The following ATP10B variants were observed in gnomAD, a reference collection of about 807,000 sequenced individuals.
The protein encoded by ATP10B is phospholipid-transporting ATPase VB.
In ATP10B, 122 loss-of-function variants were observed where a neutral mutation model predicts 141.2. That is an observed-to-expected ratio of 0.86 (90% CI 0.75 to 1.00). The LOEUF (loss-of-function observed/expected upper bound fraction) is 1.00, where lower values mean the gene tolerates loss of function less well. ATP10B is among the 50% of genes least tolerant of loss of function. The probability of loss-of-function intolerance (pLI) is 0.00; values close to 1 mark genes in which losing one functional copy is unlikely to be tolerated. For synonymous variants in ATP10B, 685 were observed against 692.0 expected (o/e 0.99, Z 0.16); for missense variants, 1,876 against 1,825.3 (o/e 1.03, Z -0.51).
chr5:160,613,123 C>G (rs560404932), intron 17 of ATP10B, among the ~76,000 whole-genome samples, 198 bp from the exon 18 acceptor site: 1 of 152,286 alleles, frequency 6.6e-6, no homozygotes, highest in Admixed American at 6.5e-5. Context: ...GAATTTATAA[C>G]TGAGCTATAT....
At position 160,612,861 on chromosome 5, in the gene ATP10B, C is replaced by T. The variant is rs1757796080; in HGVS notation, c.2718G>A (p.Glu906=). 1.2e-6 allele frequency: 2 copies of T among 1,613,972 alleles called. No individual in the cohort carries two copies. Among genetic ancestry groups the T allele is most frequent in the South Asian group, 2.2e-5 (2 of 91,078 alleles). Residue 906 remains glutamate, a synonymous_variant, in exon 18 of 26, where the codon GAG becomes GAA. Transcript: ENST00000327245. ...TCAGGACCCAGAGCTGGATCCCAGC[C>T]TCCCGCAGAGTGGCAATCGTATCTG... ...GVPDTIATLR[E]AGIQLWVLTG... is the part of the protein sequence containing the mutation.
chr5:160,743,235 G>A (rs1767593819), intron 2 of ATP10B, among the ~76,000 whole-genome samples: 1 of 152,120 alleles, frequency 6.6e-6, no homozygotes, highest in Non-Finnish European at 1.5e-5. Flanking sequence ...TATAGGCTGT[G>A]GTCTGATTAT....
At chr5:160,838,678 C>T (rs1775621471) in intron 1 of ATP10B, among the ~76,000 whole-genome samples, 1 of 152,000 alleles carries the variant, frequency 6.6e-6, no homozygotes, top group Non-Finnish European at 1.5e-5. Flanking sequence ...TGCTAGACAC[C>T]AGAGAACGAT....
chr5:160,678,971 C>A (rs1763210241), intron 6 of ATP10B, among the ~76,000 whole-genome samples: 1 of 152,206 alleles, frequency 6.6e-6, no homozygotes, highest in Non-Finnish European at 1.5e-5. Context: ...TATTTTCAAG[C>A]CCTCTTATAT....
At chr5:160,921,251 A>C in the ATP10B span, among the ~76,000 whole-genome samples, 1 of 151,134 alleles carries the variant, frequency 6.6e-6, no homozygotes, top group African/African-American at 2.4e-5. Flanking sequence ...AGCCACAAAT[A>C]GCAGCTTTCT....
intron 1 of ATP10B, among the ~76,000 whole-genome samples, chr5:160,820,346 C>A (rs569336554): frequency 6.6e-6 from 1 of 151,768 alleles, no homozygotes; most frequent in Admixed American, 6.6e-5. Flanking sequence ...AAAACCTGAA[C>A]GGACTAGTAA....
At chr5:160,802,514 T>C (rs143029888) in intron 1 of ATP10B, among the ~76,000 whole-genome samples, 6 of 152,294 alleles carry the variant, frequency 3.9e-5, no homozygotes, top group African/African-American at 1.4e-4. Flanking sequence ...GTTAAACATC[T>C]ATGGTGAATG....
chr5:160,694,276 G>C lies in ATP10B; in HGVS notation c.-204-5333C>G, dbSNP rs182384325. On this transcript the variant is annotated intron_variant, in intron 3 of 25. Transcript: ENST00000327245. Reference sequence around the variant, plus strand: ...GAGGTGTGGTTTATTGCTGCCTGCAGAAAGTTTAGGGTGGGGCACACCTGA... The same window carrying C: ...GAGGTGTGGTTTATTGCTGCCTGCACAAAGTTTAGGGTGGGGCACACCTGA... Among the ~76,000 whole-genome samples, 99 of 152,326 alleles carry C rather than the reference G, an allele frequency of 6.5e-4. 1 individual carries two copies. Among genetic ancestry groups the C allele is most frequent in the African/African-American group, 2.3e-3 (94 of 41,568 alleles).
chr5:160,650,915 T>A (rs891675651), intron 7 of ATP10B, among the ~76,000 whole-genome samples: 9 of 152,182 alleles, frequency 5.9e-5, no homozygotes, highest in Non-Finnish European at 1.0e-4. Context: ...CAACCCTCAG[T>A]TTGGTCCAGG....
At chr5:160,590,650 AAAAATCAAGGGTAGTAAAT>A (rs1756228288) in intron 23 of ATP10B, among the ~76,000 whole-genome samples, 1 of 152,178 alleles carries the variant, frequency 6.6e-6, no homozygotes, top group Non-Finnish European at 1.5e-5. Context: ...AAGTGTATAT[AAAAATCAAGGGTAGTAAAT>A]TCAAATACCT....
intron 24 of ATP10B, among the ~76,000 whole-genome samples, chr5:160,578,504 T>C (rs1193849418): frequency 1.3e-5 from 2 of 152,174 alleles, no homozygotes; most frequent in African/African-American, 4.8e-5. Flanking sequence ...TCCATGTCCC[T>C]TCAAAGGACA....
chr5:160,895,822 A>G, the ATP10B span, among the ~76,000 whole-genome samples: 1 of 152,232 alleles, frequency 6.6e-6, no homozygotes, highest in African/African-American at 2.4e-5. Context: ...AGCAAATGCA[A>G]AAGAACGGAA....
rs1028874750 is a variant in ATP10B at position 160,729,885 on chromosome 5, C to T, written c.-330-12851G>A. On this transcript the variant is annotated intron_variant, in intron 2 of 25. Transcript: ENST00000327245. ...GACAGCCTTGTCTGTCAAGTCAAGG[C>T]ATTTTAATCTTACTTGATAGCAATG... is the stretch of plus-strand genomic sequence containing the variant. 2.0e-5 allele frequency among the ~76,000 whole-genome samples: 3 copies of T among 152,092 alleles called. No homozygotes were observed. In the East Asian group the frequency reaches 5.8e-4, roughly 29 times the overall value.
At chr5:160,645,118 A>T (rs1346652260) in intron 8 of ATP10B, among the ~76,000 whole-genome samples, 2 of 67,348 alleles carry the variant, frequency 3.0e-5, no homozygotes, top group Non-Finnish European at 5.7e-5. Flanking sequence ...CTCCATCTTA[A>T]AAAAAAAAAA....
At chr5:160,649,339 A>G in intron 7 of ATP10B, 83 bp from the exon 8 acceptor site, 1 of 970,496 alleles carries the variant, frequency 1.0e-6, no homozygotes, top group Non-Finnish European at 1.6e-6. Flanking sequence ...AATCACTGTT[A>G]GAACCATTGC....
At chr5:160,607,138 G>A (rs758631871) in intron 18 of ATP10B, 52 bp from the exon 19 acceptor site, 117 of 1,469,144 alleles carry the variant, frequency 8.0e-5, no homozygotes, top group Non-Finnish European at 1.0e-4. Context: ...GGAAATGCAT[G>A]TTAACAATTT....
At position 160,730,704 on chromosome 5, in the gene ATP10B, C is replaced by T. The variant is rs186283578; in HGVS notation, c.-330-13670G>A. Among the ~76,000 whole-genome samples the T allele has an allele frequency of 1.5e-3, 233 of 152,288 alleles. 1 individual carries two copies. Among genetic ancestry groups the T allele is most frequent in the South Asian group, 3.5e-3 (17 of 4,826 alleles). ...GGCCCCCTTGTATATTCTAGACACT[C>T]TCCAGGGTGTCTGTCCAGCTAGTAC... On this transcript the variant is annotated intron_variant, in intron 2 of 25. Transcript: ENST00000327245.
chr5:160,928,763 T>C, the ATP10B span, among the ~76,000 whole-genome samples: 4 of 152,204 alleles, frequency 2.6e-5, no homozygotes, highest in African/African-American at 7.2e-5. Context: ...TCTTGCATAG[T>C]GATTTTGTAA....
intron 19 of ATP10B, among the ~76,000 whole-genome samples, chr5:160,604,867 AT>A (rs1207969038): frequency 5.9e-5 from 9 of 152,144 alleles, no homozygotes; most frequent in Admixed American, 5.9e-4. Context: ...TTCGATTTAA[AT>A]TTAAGTAGCC....
Sources: allele counts gnomAD v4.1 joint callset (sites outside exome capture counted in the v4.1 genomes callset), GRCh38; gene constraint gnomAD v4.1.1; transcripts MANE v1.5; gene names NCBI Gene and HGNC (gene_info 2026-07-23, HGNC 2026-07-21).